The following PRKN variants were observed in gnomAD, a reference collection of about 807,000 sequenced individuals.
PRKN encodes E3 ubiquitin-protein ligase parkin.
Under a neutral mutation model 59.5 loss-of-function variants are expected in PRKN, and 56 were observed. That is an observed-to-expected ratio of 0.94 (90% confidence interval 0.76 to 1.18). PRKN has a LOEUF of 1.18. Among genes scored for constraint, PRKN ranks in the 50% most tolerant of loss-of-function variants. The probability of loss-of-function intolerance (pLI) is 0.00; values close to 1 mark genes in which losing one functional copy is unlikely to be tolerated. For synonymous variants in PRKN, 250 were observed against 222.1 expected (o/e 1.13, Z -1.12); for missense variants, 657 against 596.4 (o/e 1.10, Z -1.06).
intron 2 of PRKN, among the ~76,000 whole-genome samples, chr6:162,293,184 A>G (rs1468418513): frequency 1.3e-5 from 2 of 152,182 alleles, no homozygotes; most frequent in Non-Finnish European, 1.5e-5. Flanking sequence ...AGAGGCCAAT[A>G]AGACAGAAGC....
chr6:162,254,593 C>G (rs1779570509), intron 3 of PRKN, among the ~76,000 whole-genome samples: 1 of 152,148 alleles, frequency 6.6e-6, no homozygotes, highest in Non-Finnish European at 1.5e-5. Context: ...CGTCTTCCTG[C>G]TCACTTAGAA....
chr6:162,459,640 A>T (rs1270678171), intron 1 of PRKN, among the ~76,000 whole-genome samples: 2 of 152,228 alleles, frequency 1.3e-5, no homozygotes, highest in South Asian at 2.1e-4. Flanking sequence ...TACCTTCAAA[A>T]GTAAAATACT....
chr6:161,869,016 C>T (rs995226306), intron 6 of PRKN, among the ~76,000 whole-genome samples: 2 of 152,186 alleles, frequency 1.3e-5, no homozygotes, highest in African/African-American at 4.8e-5. Flanking sequence ...ATGTGAACCT[C>T]ACTGGAACTA....
chr6:161,639,114 T>C (rs1783642219), intron 7 of PRKN, among the ~76,000 whole-genome samples: 1 of 152,182 alleles, frequency 6.6e-6, no homozygotes, highest in Admixed American at 6.5e-5. Flanking sequence ...ACATGTTTGC[T>C]TTCCCTTCCG....
chr6:161,773,926 G>A (rs1468392668), intron 7 of PRKN, among the ~76,000 whole-genome samples: 2 of 152,188 alleles, frequency 1.3e-5, no homozygotes, highest in African/African-American at 4.8e-5. Flanking sequence ...CAGAGAGGAA[G>A]GGAGTGATGC....
chr6:161,355,447 G>C lies in PRKN; in HGVS notation c.1285+4641C>G, dbSNP rs959262127. 6.6e-6 allele frequency among the ~76,000 whole-genome samples: 1 copy of C among 152,188 alleles called. No homozygotes were observed. Among genetic ancestry groups the C allele is most frequent in the African/African-American group, 2.4e-5 (1 of 41,452 alleles). ...GACGGAGTCTCACTGTGTCACCCAGGCCGAAGTGCAATGGTGCAATCTTGG... is the reference window on the plus strand; with the variant it reads ...GACGGAGTCTCACTGTGTCACCCAGCCCGAAGTGCAATGGTGCAATCTTGG... On this transcript the variant is annotated intron_variant, in intron 11 of 11. Coordinates refer to ENST00000366898, the MANE Select transcript of PRKN (RefSeq NM_004562.3). This position sits in a 1 kb window ranked among gnomAD's most constrained non-coding sequence, Gnocchi z 6.8.
chr6:162,420,999 C>T (rs1191654331), intron 2 of PRKN, among the ~76,000 whole-genome samples: 1 of 152,164 alleles, frequency 6.6e-6, no homozygotes, highest in Non-Finnish European at 1.5e-5. Flanking sequence ...ACGTCTGCCC[C>T]AAGAGAAGCT....
intron 1 of PRKN, among the ~76,000 whole-genome samples, chr6:162,528,076 C>CGGGGG (rs1253419880): frequency 1.4e-4 from 3 of 22,064 alleles, no homozygotes; most frequent in African/African-American, 5.8e-4. Flanking sequence ...GGCGGGGGGG[C>CGGGGG]GGGAGGGGTG....
intron 5 of PRKN, among the ~76,000 whole-genome samples, chr6:161,991,751 G>A (rs1781656454): frequency 6.6e-6 from 1 of 152,068 alleles, no homozygotes; most frequent in African/African-American, 2.4e-5. Flanking sequence ...GCTGAGGCAG[G>A]AGAGTTGCTT....
intron 6 of PRKN, among the ~76,000 whole-genome samples, chr6:161,864,077 C>G (rs1794014034): frequency 6.6e-6 from 1 of 152,128 alleles, no homozygotes; most frequent in African/African-American, 2.4e-5. Context: ...ATTGGGGTGA[C>G]TATAGTGGTT....
chr6:162,309,143 A>C (rs919713520), intron 2 of PRKN, among the ~76,000 whole-genome samples: 1 of 152,048 alleles, frequency 6.6e-6, no homozygotes, highest in African/African-American at 2.4e-5. Flanking sequence ...AGATTGTAGC[A>C]AATCCCAACT....
In PRKN at chr6:162,251,961, C is replaced by A. The variant is rs1333275621; in HGVS notation, c.412+10564G>T. Among the ~76,000 whole-genome samples, 4 of 152,252 alleles carry A rather than the reference C, an allele frequency of 2.6e-5. No individual in the cohort carries two copies. In the South Asian group the frequency reaches 8.3e-4, roughly 32 times the overall value. On this transcript the variant is annotated intron_variant, in intron 3 of 11. Coordinates refer to ENST00000366898, the MANE Select transcript of PRKN (RefSeq NM_004562.3). Reference sequence around the variant, plus strand: ...CTTCTAGATAATCTACTGTGTATATCTGTAATATAATTTTATCATAAACTC... The same window carrying A: ...CTTCTAGATAATCTACTGTGTATATATGTAATATAATTTTATCATAAACTC...
At chr6:161,951,619 G>A (rs1253505341) in intron 6 of PRKN, among the ~76,000 whole-genome samples, 1 of 152,158 alleles carries the variant, frequency 6.6e-6, no homozygotes, top group African/African-American at 2.4e-5. Flanking sequence ...TCTGGAAGGA[G>A]AAATATAAAT....
At chr6:162,409,798 A>G (rs899639532) in intron 2 of PRKN, among the ~76,000 whole-genome samples, 7 of 152,234 alleles carry the variant, frequency 4.6e-5, no homozygotes, top group Admixed American at 1.3e-4. Context: ...GCTCTCAGAG[A>G]AGATAATTCA....
At chr6:162,025,295 A>G (rs186560799) in intron 5 of PRKN, among the ~76,000 whole-genome samples, 28 of 151,972 alleles carry the variant, frequency 1.8e-4, no homozygotes, top group Admixed American at 1.1e-3. Context: ...GAGCCACCGC[A>G]CCCAGTCTGT....
intron 6 of PRKN, among the ~76,000 whole-genome samples, chr6:161,799,416 C>A (rs575597360): frequency 6.6e-6 from 1 of 152,296 alleles, no homozygotes; most frequent in African/African-American, 2.4e-5. Flanking sequence ...CTAAGCCATT[C>A]AACTGCTGTC....
intron 6 of PRKN, among the ~76,000 whole-genome samples, chr6:161,874,499 ATATAT>A (rs1486650510): frequency 2.2e-5 from 2 of 90,626 alleles, no homozygotes; most frequent in South Asian, 3.3e-4. Flanking sequence ...TATATGTAAA[ATATAT>A]TATATGTAAA....
At chr6:162,571,809 A>G (rs1286807549) in intron 1 of PRKN, among the ~76,000 whole-genome samples, 1 of 152,210 alleles carries the variant, frequency 6.6e-6, no homozygotes, top group Non-Finnish European at 1.5e-5. Flanking sequence ...AAACAGCAAG[A>G]GAAATATGAA....
chr6:162,292,032 C>T lies in PRKN; in HGVS notation c.172-29267G>A, dbSNP rs1161222618. On this transcript the variant is annotated intron_variant, in intron 2 of 11. Coordinates refer to ENST00000366898, the MANE Select transcript of PRKN (RefSeq NM_004562.3). ...AGGCTGGAGTGCAATGGCGGGATCT[C>T]GCCTCACTGCCACCTCTGCCTCCCA... 5.3e-5 allele frequency among the ~76,000 whole-genome samples: 8 copies of T among 150,082 alleles called. No homozygotes were observed. The South Asian group carries it at 8.5e-4, about 16-fold the overall frequency.
Sources: gnomAD v4.1 joint callset for allele counts (sites outside exome capture counted in the v4.1 genomes callset) on GRCh38, gnomAD v4.1.1 for gene constraint, Gnocchi (gnomAD v3.1) non-coding constraint, MANE v1.5 for transcripts, NCBI Gene and HGNC (gene_info 2026-07-23, HGNC 2026-07-21) for gene names.